The following ZMAT4 variants were observed in gnomAD, a reference collection of about 807,000 sequenced individuals.
ZMAT4 encodes zinc finger matrin-type protein 4.
Under a neutral mutation model 28.7 loss-of-function variants are expected in ZMAT4, and 17 were observed. That is an observed-to-expected ratio of 0.59 (90% CI 0.41 to 0.89). ZMAT4 has a LOEUF of 0.89. ZMAT4 is among the 40% of genes least tolerant of loss of function. ZMAT4 has a pLI of 0.00. For missense variants in ZMAT4, 240 were observed against 283.8 expected, an observed-to-expected ratio of 0.85 and a Z score of 1.11; for synonymous variants, 117 against 109.2, an observed-to-expected ratio of 1.07 and a Z score of -0.44.
chr8:40,876,298 T>C (rs906481790), intron 1 of ZMAT4, among the ~76,000 whole-genome samples: 1 of 152,116 alleles, frequency 6.6e-6, no homozygotes, highest in Non-Finnish European at 1.5e-5. Context: ...ATAAATAGTA[T>C]ATACATTTTC....
Position 40,875,708 on chromosome 8 carries a change from A to G in ZMAT4, c.-5+21975T>C, listed in dbSNP as rs867059053. Among the ~76,000 whole-genome samples the G allele has an allele frequency of 5.9e-5, 9 of 152,190 alleles. No individual in the cohort carries two copies. In the Middle Eastern group the frequency reaches 0.01, roughly 173 times the overall value. On this transcript the variant is annotated intron_variant, in intron 1 of 6. Coordinates refer to ENST00000297737, the MANE Select transcript of ZMAT4 (RefSeq NM_024645.3). ...TGGAAGCTGAAATGCAACTGAGGTCATGCTACTCCCCCAGGAAGTACAAGT... is the reference window on the plus strand; with the variant it reads ...TGGAAGCTGAAATGCAACTGAGGTCGTGCTACTCCCCCAGGAAGTACAAGT...
At chr8:40,732,265 G>A (rs900872020) in intron 3 of ZMAT4, among the ~76,000 whole-genome samples, 6 of 142,076 alleles carry the variant, frequency 4.2e-5, no homozygotes, top group South Asian at 2.3e-4. Context: ...GGGAAAAAAA[G>A]AAAAAAAGAC....
intron 5 of ZMAT4, among the ~76,000 whole-genome samples, chr8:40,636,852 T>G (rs1806810103): frequency 6.6e-6 from 1 of 152,160 alleles, no homozygotes; most frequent in African/African-American, 2.4e-5. Flanking sequence ...GAGACACAAT[T>G]GCCAACTTTT....
intron 6 of ZMAT4, among the ~76,000 whole-genome samples, chr8:40,553,617 A>G (rs749715207): frequency 6.6e-6 from 1 of 152,174 alleles, no homozygotes; most frequent in Non-Finnish European, 1.5e-5. Context: ...ATATCATTTC[A>G]TCCTTACAAT....
At chr8:40,794,014 A>G (rs1024029904) in intron 2 of ZMAT4, among the ~76,000 whole-genome samples, 2 of 152,186 alleles carry the variant, frequency 1.3e-5, no homozygotes, top group Non-Finnish European at 2.9e-5. Flanking sequence ...CAGAATGTCC[A>G]CTTTCACCAA....
At chr8:40,545,950 TAA>T (rs36053017) in intron 6 of ZMAT4, among the ~76,000 whole-genome samples, 22 of 132,858 alleles carry the variant, frequency 1.7e-4, no homozygotes, top group Admixed American at 3.8e-4. Context: ...TGAAGCCCAG[TAA>T]AAAAAAAAAA....
chr8:40,533,984 AAGGAC>A (rs1399414871), intron 6 of ZMAT4, among the ~76,000 whole-genome samples: 4 of 152,210 alleles, frequency 2.6e-5, no homozygotes, highest in Non-Finnish European at 4.4e-5. Context: ...AAAGAGTTTG[AAGGAC>A]AGCATCTTCA....
chr8:40,651,124 A>C (rs1807626136), intron 5 of ZMAT4, among the ~76,000 whole-genome samples: 1 of 152,098 alleles, frequency 6.6e-6, no homozygotes, highest in African/African-American at 2.4e-5. Context: ...TTAGGAAAAG[A>C]GGAAGTCAAA....
chr8:40,834,935 G>T (rs551916434), intron 1 of ZMAT4, among the ~76,000 whole-genome samples: 1 of 152,238 alleles, frequency 6.6e-6, no homozygotes, highest in Non-Finnish European at 1.5e-5. Context: ...TTTGGGGAGA[G>T]CCCAAGGTGT....
intron 1 of ZMAT4, among the ~76,000 whole-genome samples, chr8:40,847,739 C>A (rs1480419792): frequency 1.3e-5 from 2 of 152,120 alleles, no homozygotes; most frequent in Non-Finnish European, 2.9e-5. Flanking sequence ...AATGAAGGCA[C>A]CTGCAGAGGT....
chr8:40,894,160 G>C (rs1818790719), intron 1 of ZMAT4, among the ~76,000 whole-genome samples: 1 of 152,230 alleles, frequency 6.6e-6, no homozygotes, highest in South Asian at 2.1e-4. Flanking sequence ...CACAGTGAGG[G>C]CTTGCGGCTG....
At chr8:40,765,273 G>A (rs11777056) in intron 3 of ZMAT4, among the ~76,000 whole-genome samples, 33,393 of 145,222 alleles carry the variant, frequency 0.23, 3,860 homozygotes, top group Non-Finnish European at 0.25. Context: ...ACAAAAGAAA[G>A]TTGATTCATA....
chr8:40,883,488 A>G (rs1818349878), intron 1 of ZMAT4, among the ~76,000 whole-genome samples: 1 of 152,158 alleles, frequency 6.6e-6, no homozygotes, highest in Admixed American at 6.5e-5. Flanking sequence ...AGAGGAAGAC[A>G]GCAAAGGATT....
chr8:40,565,536 C>T (rs1340633703), intron 6 of ZMAT4, among the ~76,000 whole-genome samples: 2 of 151,672 alleles, frequency 1.3e-5, no homozygotes, highest in Non-Finnish European at 2.9e-5. Flanking sequence ...GCCACCACGC[C>T]CAGCTAATTT....
intron 5 of ZMAT4, among the ~76,000 whole-genome samples, chr8:40,619,935 G>T (rs1475176670): frequency 6.6e-6 from 1 of 152,112 alleles, no homozygotes; most frequent in Admixed American, 6.5e-5. Flanking sequence ...CATTATCAGT[G>T]GCCCAAGACA....
intron 5 of ZMAT4, among the ~76,000 whole-genome samples, chr8:40,648,105 T>C (rs1807434239): frequency 6.6e-6 from 1 of 152,160 alleles, no homozygotes. Context: ...AGAAGGCGGC[T>C]TCAGACGATC....
chr8:40,610,865 G>A (rs1031302048), intron 5 of ZMAT4, among the ~76,000 whole-genome samples: 1 of 150,572 alleles, frequency 6.6e-6, no homozygotes, highest in Non-Finnish European at 1.5e-5. Context: ...AAGGCTATAT[G>A]TGAAACCTGG....
At chr8:40,865,703 C>A (rs1438317554) in intron 1 of ZMAT4, among the ~76,000 whole-genome samples, 1 of 152,228 alleles carries the variant, frequency 6.6e-6, no homozygotes, top group Non-Finnish European at 1.5e-5. Context: ...TGGTTACCTG[C>A]AATCACACAG....
intron 1 of ZMAT4, among the ~76,000 whole-genome samples, chr8:40,831,900 C>T (rs1816294148): frequency 6.6e-6 from 1 of 152,178 alleles, no homozygotes; most frequent in Non-Finnish European, 1.5e-5. Flanking sequence ...CTGAGCCAGG[C>T]CTTGTGCTGA....
Sources: gnomAD v4.1 joint callset for allele counts (sites outside exome capture counted in the v4.1 genomes callset) on GRCh38, gnomAD v4.1.1 for gene constraint, MANE v1.5 for transcripts, NCBI Gene and HGNC (gene_info 2026-07-23, HGNC 2026-07-21) for gene names.